Variants in HMGB1 observed in about 807,000 individuals in gnomAD.
The protein encoded by HMGB1 is high mobility group protein B1.
For synonymous variants in HMGB1, 81 were observed against 84.0 expected, an observed-to-expected ratio of 0.96 and a Z score of 0.19; for missense variants, 79 against 253.5, an observed-to-expected ratio of 0.31 and a Z score of 4.67.
rs1869829536 is a variant in HMGB1 at position 30,559,170 on chromosome 13, G to A, written c.-15+57501C>T. 6.6e-6 allele frequency among the ~76,000 whole-genome samples: 1 copy of A among 152,076 alleles called. No homozygotes were observed. Among genetic ancestry groups the A allele is most frequent in the African/African-American group, 2.4e-5 (1 of 41,402 alleles). On this transcript the variant is annotated intron_variant, in intron 1 of 4. Transcript: ENST00000405805. This position sits in a 1 kb window ranked among gnomAD's most constrained non-coding sequence, Gnocchi z 6.6. ...CCTGGGGTGGGGGGTGCGGGTGGAG[G>A]AAAAATTGCCCCTGTTGAGAAGCAC...
At chr13:30,517,770 CT>C (rs1172720446) in intron 1 of HMGB1, among the ~76,000 whole-genome samples, 1 of 152,150 alleles carries the variant, frequency 6.6e-6, no homozygotes, top group Admixed American at 6.5e-5. Context: ...ATCTCAAATC[CT>C]CTGTAGTTCT....
chr13:30,561,978 T>G (rs1869971731), intron 1 of HMGB1, among the ~76,000 whole-genome samples: 1 of 152,142 alleles, frequency 6.6e-6, no homozygotes, highest in Non-Finnish European at 1.5e-5. Flanking sequence ...GACTGCATCA[T>G]CTCCCTGGTT....
chr13:30,518,040 C>G (rs1888138899), intron 1 of HMGB1, among the ~76,000 whole-genome samples: 1 of 152,098 alleles, frequency 6.6e-6, no homozygotes, highest in Admixed American at 6.6e-5. Context: ...CCTTCTAACT[C>G]TTATATCTGG....
At chr13:30,514,352 C>CT (rs60409517) in intron 1 of HMGB1, among the ~76,000 whole-genome samples, 45,418 of 130,382 alleles carry the variant, frequency 0.35, 7,795 homozygotes, top group Admixed American at 0.4. Context: ...CTAGTTCAAT[C>CT]TTTTTTTTTT....
At chr13:30,611,717 T>C (rs1950514252) in intron 1 of HMGB1, among the ~76,000 whole-genome samples, 1 of 152,214 alleles carries the variant, frequency 6.6e-6, no homozygotes, top group Non-Finnish European at 1.5e-5. Flanking sequence ...TATGCATTAT[T>C]CACTGTTGTA....
rs2225306 is a variant in HMGB1, at chr13:30,463,723, A to G, written c.-14-29T>C. 909 of 1,425,334 alleles carry G rather than the reference A, an allele frequency of 6.4e-4. 2 individuals are homozygous for G. Among genetic ancestry groups the G allele is most frequent in the Non-Finnish European group, 8.2e-4 (863 of 1,050,228 alleles). 88.3% of individuals were successfully genotyped at this position (1,425,334 alleles called of 1,614,324 possible). ...AAAAATAAAATAAATATTTGATGTT[A>G]GCAATAAAATTATGACATATAAGAC... is the stretch of plus-strand genomic sequence containing the variant. On this transcript the variant is annotated intron_variant, in intron 1 of 4. Coordinates refer to ENST00000341423, the MANE Select transcript of HMGB1 (RefSeq NM_002128.7).
intron 1 of HMGB1, among the ~76,000 whole-genome samples, chr13:30,580,899 C>T (rs1226560640): frequency 2.0e-5 from 3 of 152,168 alleles, no homozygotes; most frequent in African/African-American, 7.2e-5. Flanking sequence ...AATTGAGACA[C>T]CCTTTCCTTG....
intron 1 of HMGB1, chr13:30,464,354 G>A (rs988717064): frequency 2.0e-6 from 2 of 985,366 alleles, no homozygotes; most frequent in Non-Finnish European, 2.4e-6. Flanking sequence ...AAGTTTCTCC[G>A]AGTAAACAAG....
intron 1 of HMGB1, among the ~76,000 whole-genome samples, chr13:30,564,409 T>C (rs927225765): frequency 4.0e-5 from 6 of 151,596 alleles, no homozygotes; most frequent in African/African-American, 1.5e-4. Flanking sequence ...GAGGTTGCAA[T>C]GAGCTGAGAA....
At position 30,553,377 on chromosome 13, in the gene HMGB1, G is replaced by C. The variant is rs550671862; in HGVS notation, c.-15+63294C>G. Reference sequence around the variant, plus strand: ...AGACTGGTGGCTTGGGAGCCAGACAGACCTGACTTTGAAACCAAGTTTGCT... The same window carrying C: ...AGACTGGTGGCTTGGGAGCCAGACACACCTGACTTTGAAACCAAGTTTGCT... On this transcript the variant is annotated intron_variant, in intron 1 of 4. Coordinates refer to the HMGB1 transcript ENST00000405805. Among the ~76,000 whole-genome samples, 3 of 152,302 alleles carry C rather than the reference G, an allele frequency of 2.0e-5. No homozygotes were observed. In the South Asian group the frequency reaches 6.2e-4, roughly 32 times the overall value.
intron 1 of HMGB1, among the ~76,000 whole-genome samples, chr13:30,611,929 GAACT>G (rs1401557905): frequency 6.6e-6 from 1 of 151,064 alleles, no homozygotes; most frequent in Non-Finnish European, 1.5e-5. Flanking sequence ...GCATACGTCT[GAACT>G]AACAAACATG....
intron 1 of HMGB1, among the ~76,000 whole-genome samples, chr13:30,531,806 A>C (rs1290073536): frequency 6.6e-6 from 1 of 151,824 alleles, no homozygotes; most frequent in Non-Finnish European, 1.5e-5. Context: ...CTGAAGCAGG[A>C]GAATGGCTTG....
chr13:30,551,120 T>G (rs1043534867), intron 1 of HMGB1, among the ~76,000 whole-genome samples: 2 of 152,224 alleles, frequency 1.3e-5, no homozygotes, highest in Non-Finnish European at 2.9e-5. Flanking sequence ...ACTATCATGA[T>G]TTCTAAACAC....
chr13:30,597,017 C>T (rs968044187), intron 1 of HMGB1, among the ~76,000 whole-genome samples: 1 of 152,174 alleles, frequency 6.6e-6, no homozygotes, highest in African/African-American at 2.4e-5. Context: ...ATTTGAATGA[C>T]TTCTTTATAC....
chr13:30,474,759 CTTTTTT>C (rs549499620), intron 1 of HMGB1, among the ~76,000 whole-genome samples: 8 of 92,822 alleles, frequency 8.6e-5, no homozygotes, highest in African/African-American at 3.7e-4. Flanking sequence ...TCTCTCTCTC[CTTTTTT>C]TTTTTTTTTT....
intron 1 of HMGB1, among the ~76,000 whole-genome samples, chr13:30,583,825 CAA>C (rs781566280): frequency 1.6e-4 from 12 of 74,376 alleles, no homozygotes; most frequent in South Asian, 4.3e-4. Flanking sequence ...GACTCTGTCT[CAA>C]AAAAAAAAAA....
intron 1 of HMGB1, among the ~76,000 whole-genome samples, chr13:30,570,475 C>T (rs943768609): frequency 5.3e-5 from 8 of 152,158 alleles, no homozygotes; most frequent in African/African-American, 1.7e-4. Context: ...TCTTTATGAT[C>T]GCTTAGCTTT....
chr13:30,513,595 T>C (rs935568794), intron 1 of HMGB1, among the ~76,000 whole-genome samples: 1 of 152,266 alleles, frequency 6.6e-6, no homozygotes, highest in Non-Finnish European at 1.5e-5. Context: ...AAGACTTCTC[T>C]GCTGAGCCTC....
intron 3 of HMGB1, 85 bp downstream of exon 3, chr13:30,463,122 C>G (rs1886464473): frequency 7.5e-7 from 1 of 1,332,710 alleles, no homozygotes; most frequent in Non-Finnish European, 1.1e-6. Context: ...CATTTACACT[C>G]TAAACTGACA....
Sources: allele counts gnomAD v4.1 joint callset (sites outside exome capture counted in the v4.1 genomes callset), GRCh38; gene constraint gnomAD v4.1.1; non-coding constraint Gnocchi (gnomAD v3.1); transcripts MANE v1.5; gene names NCBI Gene and HGNC (gene_info 2026-07-23, HGNC 2026-07-21).